The following DENND1A variants were observed in gnomAD, a reference collection of about 807,000 sequenced individuals.
DENND1A encodes the protein DENN domain containing 1A, also known as DENN domain-containing protein 1A.
DENND1A carries 51 observed loss-of-function variants against 113.7 expected under a neutral mutation model. The ratio of observed to expected loss-of-function variants is 0.45; its 90% CI spans 0.36 to 0.57. DENND1A has a LOEUF of 0.57. Among genes scored for constraint, DENND1A ranks in the 20% least tolerant of loss-of-function variants. DENND1A has a pLI of 0.00. For missense variants in DENND1A, 1,258 were observed against 1,395.9 expected (o/e 0.90, Z 1.57); for synonymous variants, 565 against 570.8 (o/e 0.99, Z 0.14).
At chr9:123,719,692 G>C (rs2141109486) in intron 5 of DENND1A, among the ~76,000 whole-genome samples, 1 of 152,066 alleles carries the variant, frequency 6.6e-6, no homozygotes, top group Middle Eastern at 3.4e-3. Flanking sequence ...TCCTGAGGAT[G>C]GGACCCAAGT....
intron 12 of DENND1A, among the ~76,000 whole-genome samples, chr9:123,567,098 C>T (rs2058096738): frequency 6.6e-6 from 1 of 152,188 alleles, no homozygotes; most frequent in Admixed American, 6.5e-5. Context: ...TATGCATACA[C>T]ATACACACAC....
chr9:123,426,552 GCCAGGGAGGAGCTCCAT>G (rs1003294918), intron 19 of DENND1A, among the ~76,000 whole-genome samples: 1 of 152,180 alleles, frequency 6.6e-6, no homozygotes, highest in Admixed American at 6.5e-5. Flanking sequence ...GCAGAATGGA[GCCAGGGAGGAGCTCCAT>G]CTAAGGGAAG....
At chr9:123,902,161 TCA>T (rs1232745098) in intron 1 of DENND1A, among the ~76,000 whole-genome samples, 6 of 128,230 alleles carry the variant, frequency 4.7e-5, no homozygotes, top group Middle Eastern at 7.6e-3. Context: ...TACTCATGGG[TCA>T]CACACACACA....
At chr9:123,859,217 T>C (rs753650080) in intron 2 of DENND1A, among the ~76,000 whole-genome samples, 123 of 152,284 alleles carry the variant, frequency 8.1e-4, no homozygotes, top group Non-Finnish European at 3.4e-4. Context: ...AGGCTTACAC[T>C]TTTCTACATA....
chr9:123,526,447 A>G (rs757667811), intron 13 of DENND1A, among the ~76,000 whole-genome samples: 1 of 152,128 alleles, frequency 6.6e-6, no homozygotes, highest in African/African-American at 2.4e-5. Flanking sequence ...TCCAATGTTA[A>G]TACAACCAAC....
chr9:123,899,583 AAAT>A (rs1255060729), intron 1 of DENND1A, among the ~76,000 whole-genome samples: 1 of 152,214 alleles, frequency 6.6e-6, no homozygotes, highest in Non-Finnish European at 1.5e-5. Context: ...ATGTAATATA[AAAT>A]AATATCTGAT....
At chr9:123,453,908 T>G (rs573335964) in intron 16 of DENND1A, among the ~76,000 whole-genome samples, 6 of 152,168 alleles carry the variant, frequency 3.9e-5, no homozygotes, top group Non-Finnish European at 7.3e-5. Flanking sequence ...TATCAATCAA[T>G]CAACAAGTCC....
intron 1 of DENND1A, among the ~76,000 whole-genome samples, chr9:123,891,365 C>T (rs1024537945): frequency 2.0e-5 from 3 of 152,228 alleles, no homozygotes. Context: ...GACTCAGTCT[C>T]AAATCACCTA....
At position 123,388,383 on chromosome 9, in the gene DENND1A, T is replaced by C. The variant is rs1564402825; in HGVS notation, c.1632-525A>G. The stretch of plus-strand genomic sequence containing the variant: ...ACGTCAATAACAGCCAGTGGAATCA[T>C]GGGTGATTTCTTTCCCCTCTGCTGC... On this transcript the variant is annotated intron_variant, in intron 21 of 23. Transcript: ENST00000394215. Among the ~76,000 whole-genome samples, 4 of 152,228 alleles carry C rather than the reference T, an allele frequency of 2.6e-5. No homozygotes were observed. The South Asian group carries it at 8.3e-4, about 32-fold the overall frequency.
At chr9:123,587,935 C>G (rs535601682) in intron 11 of DENND1A, among the ~76,000 whole-genome samples, 1 of 152,294 alleles carries the variant, frequency 6.6e-6, no homozygotes, top group East Asian at 1.9e-4. Context: ...GTTATATCAA[C>G]ATGCTCAGAG....
At chr9:123,683,362 G>C (rs148671452) in intron 5 of DENND1A, among the ~76,000 whole-genome samples, 149 of 152,256 alleles carry the variant, frequency 9.8e-4, no homozygotes, top group African/African-American at 3.4e-3. Flanking sequence ...GGAAACTGAA[G>C]TCCTCAAATA....
chr9:123,634,975 T>C (rs1183035946), intron 9 of DENND1A, among the ~76,000 whole-genome samples: 1 of 152,226 alleles, frequency 6.6e-6, no homozygotes, highest in Non-Finnish European at 1.5e-5. Flanking sequence ...CAGAGCTTTC[T>C]CTATGGCTCC....
At chr9:123,507,301 A>G (rs922906114) in intron 13 of DENND1A, among the ~76,000 whole-genome samples, 1 of 152,256 alleles carries the variant, frequency 6.6e-6, no homozygotes, top group Non-Finnish European at 1.5e-5. Flanking sequence ...GAGATCTAGA[A>G]CTTCTGGCCA....
At chr9:123,742,177 T>C (rs1251302990) in intron 5 of DENND1A, among the ~76,000 whole-genome samples, 2 of 151,528 alleles carry the variant, frequency 1.3e-5, no homozygotes, top group Admixed American at 6.6e-5. Flanking sequence ...GTTTAGGCCA[T>C]GTAGTCCTAT....
In DENND1A at chr9:123,381,392, C is replaced by T. The variant is rs555028534; in HGVS notation, c.*40G>A. 1 of 1,588,014 alleles carries T rather than the reference C, an allele frequency of 6.3e-7. No individual in the cohort carries two copies. Among genetic ancestry groups the T allele is most frequent in the African/African-American group, 1.3e-5 (1 of 74,690 alleles). On this transcript the variant is annotated 3_prime_UTR_variant, in exon 24 of 24. Transcript: ENST00000394215. This position sits in a 1 kb window ranked among gnomAD's most constrained non-coding sequence, Gnocchi z 4.7. ...CCTCGGAACCGCAGCAGTGGACGGA[C>T]CCTCGGGCCTCGGTGCATCCCCCAC...
intron 2 of DENND1A, among the ~76,000 whole-genome samples, chr9:123,815,159 T>C (rs1397341929): frequency 6.6e-6 from 1 of 152,196 alleles, no homozygotes. Context: ...AATAAAGATA[T>C]CACAAACAGC....
intron 13 of DENND1A, among the ~76,000 whole-genome samples, chr9:123,499,614 C>A (rs1337171708): frequency 1.3e-5 from 2 of 152,216 alleles, no homozygotes; most frequent in Non-Finnish European, 2.9e-5. Flanking sequence ...TAAAAACTTA[C>A]CAAGGACACT....
At chr9:123,915,472 C>A (rs1289032234) in intron 1 of DENND1A, among the ~76,000 whole-genome samples, 1 of 152,028 alleles carries the variant, frequency 6.6e-6, no homozygotes, top group Non-Finnish European at 1.5e-5. Context: ...TAGGATAATA[C>A]CCTTCCCCTT....
chr9:123,885,015 A>G (rs1275830550), intron 1 of DENND1A, among the ~76,000 whole-genome samples: 7 of 149,462 alleles, frequency 4.7e-5, no homozygotes, highest in African/African-American at 1.8e-4. Flanking sequence ...ACACACACAC[A>G]CACACACACA....
Sources: gnomAD v4.1 joint callset for allele counts (sites outside exome capture counted in the v4.1 genomes callset) on GRCh38, gnomAD v4.1.1 for gene constraint, Gnocchi (gnomAD v3.1) non-coding constraint, MANE v1.5 for transcripts, NCBI Gene and HGNC (gene_info 2026-07-23, HGNC 2026-07-21) for gene names.